Variants in DCAF5 observed in about 807,000 individuals in gnomAD.
The protein encoded by DCAF5 is DDB1- and CUL4-associated factor 5.
DCAF5 carries 9 observed loss-of-function variants against 80.7 expected under a neutral mutation model. The ratio of observed to expected loss-of-function variants is 0.11; its 90% CI spans 0.07 to 0.19. DCAF5 has a LOEUF of 0.19. DCAF5 is among the 10% of genes least tolerant of loss of function. The pLI, the probability that DCAF5 is intolerant of heterozygous loss-of-function variation, is 1.00. For missense variants in DCAF5, 842 were observed against 1,205.7 expected, an observed-to-expected ratio of 0.70 and a Z score of 4.47; for synonymous variants, 433 against 461.9, an observed-to-expected ratio of 0.94 and a Z score of 0.80.
chr14:69,067,524 T>C (rs1360371087), intron 7 of DCAF5, among the ~76,000 whole-genome samples: 1 of 151,840 alleles, frequency 6.6e-6, no homozygotes, highest in African/African-American at 2.4e-5. Flanking sequence ...TTTGTACTTT[T>C]TGTAGAGATG....
intron 6 of DCAF5, chr14:69,084,650 A>G (rs2039248439): frequency 3.7e-6 from 4 of 1,083,964 alleles, no homozygotes; most frequent in Non-Finnish European, 4.1e-6. Context: ...GAAGAACCAA[A>G]AAAAGAAGCT....
At chr14:69,074,028 G>A (rs1416924294) in intron 7 of DCAF5, among the ~76,000 whole-genome samples, 1 of 152,194 alleles carries the variant, frequency 6.6e-6, no homozygotes, top group Non-Finnish European at 1.5e-5. Flanking sequence ...TCTAGAAGAG[G>A]AAAAGCCCTT....
intron 1 of DCAF5, among the ~76,000 whole-genome samples, chr14:69,146,712 C>A (rs2041548171): frequency 1.3e-5 from 2 of 152,334 alleles, no homozygotes; most frequent in Non-Finnish European, 2.9e-5. Flanking sequence ...TGTCCCTGTT[C>A]TCATAGCTCC....
chr14:69,085,796 T>C (rs1292001929), intron 6 of DCAF5, among the ~76,000 whole-genome samples: 1 of 152,204 alleles, frequency 6.6e-6, no homozygotes, highest in Non-Finnish European at 1.5e-5. Context: ...TCCTAAAACA[T>C]TCACGCTCTA....
At chr14:69,122,412 G>A in intron 1 of DCAF5, 52 bp from the exon 2 acceptor site, 1 of 1,573,120 alleles carries the variant, frequency 6.4e-7, no homozygotes, top group Non-Finnish European at 8.7e-7. Context: ...TCGCAAGGCT[G>A]ACAGATGGTT....
chr14:69,119,101 A>G, intron 3 of DCAF5, 93 bp downstream of exon 3: 1 of 1,347,052 alleles, frequency 7.4e-7, no homozygotes, highest in East Asian at 2.5e-5. Context: ...GTTTTTTTCA[A>G]AAAACAAAAA....
chr14:69,095,300 A>C (rs138662036), intron 5 of DCAF5, among the ~76,000 whole-genome samples: 66 of 152,370 alleles, frequency 4.3e-4, no homozygotes, highest in African/African-American at 1.5e-3. Flanking sequence ...ATATTGAAAG[A>C]ACTAGTAAAA....
intron 7 of DCAF5, among the ~76,000 whole-genome samples, chr14:69,064,573 G>C (rs2038358901): frequency 6.6e-6 from 1 of 152,120 alleles, no homozygotes; most frequent in Admixed American, 6.5e-5. Flanking sequence ...AGTTTGAATA[G>C]GAATGGAGTT....
intron 7 of DCAF5, among the ~76,000 whole-genome samples, chr14:69,070,790 C>CT (rs67836121): frequency 2.6e-3 from 372 of 144,352 alleles, no homozygotes; most frequent in East Asian, 5.6e-3. Context: ...TTTTATTTTT[C>CT]TTTTTTTTTT....
intron 1 of DCAF5, among the ~76,000 whole-genome samples, chr14:69,134,334 C>T (rs1227167751): frequency 6.6e-6 from 1 of 152,180 alleles, no homozygotes; most frequent in Admixed American, 6.5e-5. Flanking sequence ...AAACCCGTGA[C>T]TTAGACTTTA....
In DCAF5 at chr14:69,054,133, C is replaced by G; in HGVS notation, c.2553G>C (p.Leu851Phe). Residue 851 changes from leucine (L) to phenylalanine (F), a missense_variant, in exon 9 of 9, where the codon TTG (leucine) becomes TTC (phenylalanine). By Grantham distance (22) the Leu-to-Phe change is conservative. Transcript: ENST00000341516. ...AGTAGGCCACCACCTCCAGCTCCCCCAAGTTCTGCCCGTTATTGTGAGGGT... is the reference window on the plus strand; with the variant it reads ...AGTAGGCCACCACCTCCAGCTCCCCGAAGTTCTGCCCGTTATTGTGAGGGT... Reference protein sequence around the residue: ...PPHPHNNGQNLGELEVVAYSS... With the variant: ...PPHPHNNGQNFGELEVVAYSS... The G allele has an allele frequency of 1.9e-6, 3 of 1,614,248 alleles. No individual in the cohort carries two copies. Among genetic ancestry groups the G allele is most frequent in the Non-Finnish European group, 2.5e-6 (3 of 1,180,044 alleles).
At chr14:69,114,676 TTTTTTG>T (rs2040485444) in intron 5 of DCAF5, among the ~76,000 whole-genome samples, 1 of 152,072 alleles carries the variant, frequency 6.6e-6, no homozygotes, top group South Asian at 2.1e-4. Flanking sequence ...TGGAACTTGT[TTTTTTG>T]TTTTTATTTT....
intron 7 of DCAF5, 73 bp downstream of exon 7, chr14:69,075,272 C>G: frequency 8.3e-7 from 1 of 1,203,654 alleles, no homozygotes; most frequent in Non-Finnish European, 1.2e-6. Flanking sequence ...AAGATCTGTC[C>G]CCTCAGGGCA....
chr14:69,091,915 G>A, intron 5 of DCAF5, 28 bp from the exon 6 acceptor site: 1 of 1,572,808 alleles, frequency 6.4e-7, no homozygotes. Context: ...CAGGAATCAG[G>A]CATGAGATAG....
chr14:69,072,674 G>A (rs567172959), intron 7 of DCAF5, among the ~76,000 whole-genome samples: 6 of 150,762 alleles, frequency 4.0e-5, no homozygotes, highest in Non-Finnish European at 8.9e-5. Context: ...ATGTGGGTGG[G>A]ATCTGTAAGA....
intron 5 of DCAF5, among the ~76,000 whole-genome samples, chr14:69,108,050 G>A (rs142090069): frequency 4.4e-4 from 67 of 152,304 alleles, no homozygotes; most frequent in African/African-American, 1.6e-3. Context: ...CTGGCCTACC[G>A]GGAGACAAGA....
At chr14:69,056,920 C>G (rs1339299320) in intron 8 of DCAF5, among the ~76,000 whole-genome samples, 1 of 152,186 alleles carries the variant, frequency 6.6e-6, no homozygotes, top group Admixed American at 6.5e-5. Context: ...TGTTCCCTAC[C>G]CATAACTCTA....
chr14:69,058,598 G>A (rs2038073992), intron 8 of DCAF5, among the ~76,000 whole-genome samples: 1 of 151,948 alleles, frequency 6.6e-6, no homozygotes, highest in Admixed American at 6.6e-5. Flanking sequence ...GAAAGAGCCA[G>A]GCGTGGTGGC....
chr14:69,152,497 G>T lies in DCAF5; in HGVS notation c.214+268C>A. The T allele has an allele frequency of 2.6e-6, 1 of 379,896 alleles. No homozygotes were observed. The highest frequency in any genetic ancestry group is 4.8e-6 in the Non-Finnish European group (1 of 208,218). 23.5% of individuals were successfully genotyped at this position (379,896 alleles called of 1,614,324 possible). On this transcript the variant is annotated intron_variant, in intron 1 of 8. Transcript: ENST00000341516. The surrounding 1 kb of genome is among the most constrained non-coding windows in gnomAD (Gnocchi z 4.1). The stretch of plus-strand genomic sequence containing the variant: ...CCCCCTCCCCGACCTACACTTTCAG[G>T]GCAGGCATCAGGAGAGATCACTTTG...
Sources: gnomAD v4.1 joint callset for allele counts (sites outside exome capture counted in the v4.1 genomes callset) on GRCh38, gnomAD v4.1.1 for gene constraint, Gnocchi (gnomAD v3.1) non-coding constraint, MANE v1.5 for transcripts, NCBI Gene and HGNC (gene_info 2026-07-23, HGNC 2026-07-21) for gene names.